Variants in FREM1 observed in about 807,000 individuals in gnomAD.
FREM1 encodes FRAS1-related extracellular matrix protein 1.
In FREM1, 220 loss-of-function variants were observed where a neutral mutation model predicts 210.1. That is an observed-to-expected ratio of 1.05 (90% CI 0.94 to 1.17). The LOEUF (loss-of-function observed/expected upper bound fraction) is 1.17. Ranked by LOEUF, FREM1 falls within the 50% of genes most tolerant of loss-of-function variation. The pLI is 0.00. For synonymous variants in FREM1, 1,189 were observed against 980.2 expected (o/e 1.21, Z -3.98); for missense variants, 3,454 against 2,675.5 (o/e 1.29, Z -6.42).
At chr9:14,782,054 C>A (rs1268762032) in intron 24 of FREM1, among the ~76,000 whole-genome samples, 1 of 152,222 alleles carries the variant, frequency 6.6e-6, no homozygotes, top group Non-Finnish European at 1.5e-5. Context: ...GAACAACAGA[C>A]TAGACCAGAC....
At chr9:14,808,745 C>G (rs1818831856) in intron 16 of FREM1, among the ~76,000 whole-genome samples, 1 of 152,100 alleles carries the variant, frequency 6.6e-6, no homozygotes, top group Non-Finnish European at 1.5e-5. Flanking sequence ...CTTCTTTTCA[C>G]TGTTTAGGTC....
At chr9:14,799,801 T>TA (rs1187974805) in intron 20 of FREM1, among the ~76,000 whole-genome samples, 1 of 152,094 alleles carries the variant, frequency 6.6e-6, no homozygotes, top group African/African-American at 2.4e-5. Flanking sequence ...TTTCTTTTTT[T>TA]TTATTATTAT....
chr9:14,741,878 A>G (rs989615), intron 35 of FREM1, among the ~76,000 whole-genome samples: 109,330 of 152,064 alleles, frequency 0.72, 39,353 homozygotes, highest in Middle Eastern at 0.8. Context: ...TCCTGAAGCT[A>G]TCTTTAAAAC....
intron 23 of FREM1, among the ~76,000 whole-genome samples, chr9:14,787,459 T>G (rs1850598258): frequency 6.6e-6 from 1 of 152,158 alleles, no homozygotes; most frequent in South Asian, 2.1e-4. Context: ...CTGGCTAACT[T>G]TATTTCCTTT....
intron 23 of FREM1, among the ~76,000 whole-genome samples, chr9:14,787,363 A>G (rs1850583199): frequency 6.6e-6 from 1 of 152,242 alleles, no homozygotes; most frequent in Non-Finnish European, 1.5e-5. Flanking sequence ...AAATGTTAAT[A>G]GGATAATGTG....
At chr9:14,845,400 G>T (rs1826417072) in intron 8 of FREM1, among the ~76,000 whole-genome samples, 1 of 152,056 alleles carries the variant, frequency 6.6e-6, no homozygotes, top group African/African-American at 2.4e-5. Flanking sequence ...TGCCGCCCAG[G>T]TTCAAGCAAT....
At chr9:14,857,526 G>A (rs765015856) in intron 5 of FREM1, 27 bp downstream of exon 5, 15 of 1,571,594 alleles carry the variant, frequency 9.5e-6, no homozygotes, top group South Asian at 8.9e-5. Context: ...AATCCTGGGG[G>A]CACCCACACA....
chr9:14,756,031 A>G (rs971639205), intron 29 of FREM1, among the ~76,000 whole-genome samples: 4 of 152,240 alleles, frequency 2.6e-5, no homozygotes, highest in Non-Finnish European at 4.4e-5. Flanking sequence ...TTCATAAAAT[A>G]TCTGAGGCAA....
At chr9:14,814,134 T>G (rs971221623) in intron 15 of FREM1, among the ~76,000 whole-genome samples, 1 of 152,158 alleles carries the variant, frequency 6.6e-6, no homozygotes, top group Admixed American at 6.5e-5. Flanking sequence ...AACTCCTCCT[T>G]CAGGTTACAT....
rs368721936 is a variant in FREM1, at chr9:14,851,334, T to C, written c.1102A>G (p.Ile368Val). 4.3e-6 allele frequency: 7 copies of C among 1,609,640 alleles called. No homozygotes were observed. The highest frequency in any genetic ancestry group is 5.9e-6 in the Non-Finnish European group (7 of 1,176,878). Residue 368 changes from isoleucine (I) to valine (V), a missense_variant, in exon 6 of 37, where the codon ATC (isoleucine) becomes GTC (valine). Ile to Val is a conservative substitution (Grantham distance 29). Transcript: ENST00000380880. ...FTWKDLSDMQ[I>V]AYQPPNSSHS... is the part of the protein sequence containing the mutation. Reference sequence around the variant, plus strand: ...CTGCTGTTTGGTGGCTGATAGGCGATCTGCATGTCACTGAGATCTTTCCAG... The same window carrying C: ...CTGCTGTTTGGTGGCTGATAGGCGACCTGCATGTCACTGAGATCTTTCCAG...
intron 35 of FREM1, among the ~76,000 whole-genome samples, chr9:14,743,322 T>G (rs1354925320): frequency 6.6e-6 from 1 of 152,066 alleles, no homozygotes; most frequent in Non-Finnish European, 1.5e-5. Context: ...TAGTCACAAT[T>G]ATTAATAGAT....
chr9:14,898,791 T>G (rs1564197138), intron 1 of FREM1, among the ~76,000 whole-genome samples: 1 of 152,154 alleles, frequency 6.6e-6, no homozygotes, highest in Non-Finnish European at 1.5e-5. Context: ...TGAACCCTAT[T>G]GTAAAATATA....
At position 14,842,673 on chromosome 9, in the gene FREM1, G is replaced by A. The variant is rs774531800; in HGVS notation, c.1394-13C>T. The stretch of plus-strand genomic sequence containing the variant: ...AACCCTTTCCCCCCTGAGGGAGAGA[G>A]CAGAGATGGAGCAGATTGAGCAAGG... On this transcript the variant is annotated splice_polypyrimidine_tract_variant and intron_variant, in intron 8 of 36. Transcript: ENST00000380880. 6 of 1,598,266 alleles carry A rather than the reference G, an allele frequency of 3.8e-6. No individual in the cohort carries two copies. The African/African-American group carries it at 8.0e-5, about 21-fold the overall frequency.
chr9:14,849,538 CAT>C (rs1827286456), intron 6 of FREM1, among the ~76,000 whole-genome samples: 1 of 152,180 alleles, frequency 6.6e-6, no homozygotes, highest in African/African-American at 2.4e-5. Context: ...TTTTGAAGAA[CAT>C]GTGGTCCATG....
At chr9:14,829,157 T>C (rs1324393072) in intron 10 of FREM1, among the ~76,000 whole-genome samples, 3 of 152,222 alleles carry the variant, frequency 2.0e-5, no homozygotes, top group Non-Finnish European at 2.9e-5. Flanking sequence ...GTTTGCAAAC[T>C]GAGTAAGTCA....
chr9:14,806,681 C>CT lies in FREM1; in HGVS notation c.3253dup (p.Ser1085LysfsTer21). The CT allele has an allele frequency of 1.9e-6, 3 of 1,596,886 alleles. No individual in the cohort carries two copies. The highest frequency in any genetic ancestry group is 2.3e-5 in the South Asian group (2 of 87,838). ...CTTACCTATACTTATGCCAATATTGCTTTTTTCAAAACCCACAGAAGGGAG... is the reference window on the plus strand; with the variant it reads ...CTTACCTATACTTATGCCAATATTGCTTTTTTTCAAAACCCACAGAAGGGAG... On this transcript the variant is annotated frameshift_variant, in exon 18 of 37. Coordinates refer to ENST00000380880, the MANE Select transcript of FREM1 (RefSeq NM_001379081.2). LOFTEE classifies it high-confidence loss of function.
chr9:14,797,428 C>T (rs1852636168), intron 21 of FREM1, 70 bp downstream of exon 21: 2 of 1,313,880 alleles, frequency 1.5e-6, no homozygotes, highest in East Asian at 2.4e-5. Flanking sequence ...ACACACACAC[C>T]TGTACCTAGT....
At chr9:14,843,419 C>T (rs1826026822) in intron 8 of FREM1, among the ~76,000 whole-genome samples, 1 of 152,162 alleles carries the variant, frequency 6.6e-6, no homozygotes, top group African/African-American at 2.4e-5. Flanking sequence ...CCTGGTTCTC[C>T]AACAGCCTAA....
At chr9:14,806,612 C>G (rs1004310757) in intron 18 of FREM1, 49 bp downstream of exon 18, 1 of 1,107,028 alleles carries the variant, frequency 9.0e-7, no homozygotes, top group African/African-American at 1.5e-5. Context: ...CAATCGCTTC[C>G]ATAAATATAA....
Sources: gnomAD v4.1 joint callset for allele counts (sites outside exome capture counted in the v4.1 genomes callset) on GRCh38, gnomAD v4.1.1 for gene constraint, MANE v1.5 for transcripts, NCBI Gene and HGNC (gene_info 2026-07-23, HGNC 2026-07-21) for gene names.